The following CYFIP1 variants were observed in gnomAD, a reference collection of about 807,000 sequenced individuals.
CYFIP1 encodes the protein cytoplasmic FMR1-interacting protein 1.
Under a neutral mutation model 163.5 loss-of-function variants are expected in CYFIP1, and 58 were observed. That is an observed-to-expected ratio of 0.35 (90% CI 0.29 to 0.44). The LOEUF (loss-of-function observed/expected upper bound fraction) is 0.44, where lower values mean the gene tolerates loss of function less well. Among genes scored for constraint, CYFIP1 ranks in the 20% least tolerant of loss-of-function variants. The pLI is 1.00. For synonymous variants in CYFIP1, 663 were observed against 660.7 expected, an observed-to-expected ratio of 1.00 and a Z score of -0.05; for missense variants, 1,338 against 1,653.8, an observed-to-expected ratio of 0.81 and a Z score of 3.31.
intron 1 of CYFIP1, among the ~76,000 whole-genome samples, chr15:22,974,497 G>A (rs1334402994): frequency 1.3e-5 from 2 of 152,150 alleles, no homozygotes; most frequent in African/African-American, 4.8e-5. Flanking sequence ...GGAGGCCGAG[G>A]CAGATGAATC....
chr15:22,911,077 C>T (rs964340421), intron 18 of CYFIP1, among the ~76,000 whole-genome samples: 3 of 151,844 alleles, frequency 2.0e-5, no homozygotes, highest in Admixed American at 6.6e-5. Context: ...TGTGGTGGCA[C>T]GTGCCCGTGG....
At position 22,870,172 on chromosome 15, in the gene CYFIP1, C is replaced by CT; in HGVS notation, c.3617dup (p.Arg1207GlufsTer10). The CT allele has an allele frequency of 6.2e-7, 1 of 1,610,330 alleles. No individual in the cohort carries two copies. The highest frequency in any genetic ancestry group is 1.7e-4 in the Middle Eastern group (1 of 6,050). On this transcript the variant is annotated frameshift_variant, in exon 31 of 31. Transcript: ENST00000617928. LOFTEE classifies it high-confidence loss of function. ...TGAGAATCTGGAACTTGCGAATTCT[C>CT]TCCACCATCTTCTTCAAAGGCTACA...
chr15:22,884,388 A>AG (rs2059872759), intron 23 of CYFIP1, among the ~76,000 whole-genome samples: 1 of 152,214 alleles, frequency 6.6e-6, no homozygotes, highest in Non-Finnish European at 1.5e-5. Flanking sequence ...GCCAAAACAA[A>AG]GGGGCTCCAG....
chr15:22,913,604 T>G (rs549167357), intron 17 of CYFIP1, among the ~76,000 whole-genome samples: 1 of 55,082 alleles, frequency 1.8e-5, no homozygotes, highest in Admixed American at 2.2e-4. Context: ...ATAGACAGCA[T>G]TAAAAAAAAA....
At chr15:22,966,291 C>T (rs542551006) in intron 1 of CYFIP1, among the ~76,000 whole-genome samples, 1 of 151,202 alleles carries the variant, frequency 6.6e-6, no homozygotes, top group Non-Finnish European at 1.5e-5. Flanking sequence ...GAGAATCGCT[C>T]GAACCCGGGA....
chr15:22,932,787 A>C (rs2142229880), intron 10 of CYFIP1, among the ~76,000 whole-genome samples: 1 of 152,286 alleles, frequency 6.6e-6, no homozygotes, highest in South Asian at 2.1e-4. Flanking sequence ...TTTAGGATTT[A>C]GGGCCACATT....
rs570856828 is a variant in CYFIP1, at chr15:22,979,582, C to T, written c.-7+705G>A. On this transcript the variant is annotated intron_variant, in intron 1 of 30. Coordinates refer to ENST00000617928, the MANE Select transcript of CYFIP1 (RefSeq NM_014608.6). ...CAGACGCCCCTCTCAGCTTAAAACA[C>T]GTTCCATCAACCCCGTTTCCCGATT... Among the ~76,000 whole-genome samples the T allele has an allele frequency of 1.2e-4, 19 of 152,340 alleles. No homozygotes were observed. In the East Asian group the frequency reaches 3.7e-3, roughly 29 times the overall value.
intron 26 of CYFIP1, 104 bp downstream of exon 26, chr15:22,879,809 C>A (rs1338596069): frequency 1.2e-6 from 1 of 810,400 alleles, no homozygotes; most frequent in Non-Finnish European, 1.9e-6. Flanking sequence ...ACAGCTGTTG[C>A]CACACCCCCA....
intron 17 of CYFIP1, among the ~76,000 whole-genome samples, chr15:22,913,411 C>A (rs2060848362): frequency 6.7e-6 from 1 of 148,264 alleles, no homozygotes. Flanking sequence ...GCCTGTAGTC[C>A]CAGCTACTTG....
At chr15:22,883,137 A>G (rs2059816554) in intron 23 of CYFIP1, 126 bp from the exon 24 acceptor site, 1 of 1,108,882 alleles carries the variant, frequency 9.0e-7, no homozygotes, top group African/African-American at 1.6e-5. Flanking sequence ...TGACTTGTAA[A>G]ATCTACTGCC....
chr15:22,941,428 G>A (rs1170349545), intron 6 of CYFIP1, among the ~76,000 whole-genome samples: 3 of 152,048 alleles, frequency 2.0e-5, no homozygotes, highest in East Asian at 3.9e-4. Flanking sequence ...AAGGGTCAAG[G>A]ATACTGTTTT....
At position 22,926,053 on chromosome 15, in the gene CYFIP1, CG is replaced by C; in HGVS notation, c.1287del (p.Asp430ThrfsTer22). Reference sequence around the variant, plus strand: ...GCACGCTCGTACTCTTCAGCGCTGTCGGGGCAGTCCTTGTTGGAGTACTTGT... The same window carrying C: ...GCACGCTCGTACTCTTCAGCGCTGTCGGGCAGTCCTTGTTGGAGTACTTGT... ...PTDKYSNKDC[P>X]DSAEEYERAT... On this transcript the variant is annotated frameshift_variant, in exon 13 of 31. Coordinates refer to ENST00000617928, the MANE Select transcript of CYFIP1 (RefSeq NM_014608.6). LOFTEE classifies it high-confidence loss of function. 6.2e-7 allele frequency: 1 copy of C among 1,614,122 alleles called. No homozygotes were observed. Among genetic ancestry groups the C allele is most frequent in the East Asian group, 2.2e-5 (1 of 44,880 alleles).
In CYFIP1 at chr15:22,918,718, G is replaced by T. The variant is rs138720932; in HGVS notation, c.1500C>A (p.Ile500=). The T allele has an allele frequency of 3.3e-5, 53 of 1,607,692 alleles. No homozygotes were observed. The African/African-American group carries it at 6.3e-4, about 19-fold the overall frequency. Residue 500 remains isoleucine (I), a synonymous_variant, in exon 14 of 31, where the codon ATC becomes ATA. Transcript: ENST00000617928. ...VTLREPLRQA[I]KKKKNVIQSV... ...TCTGGATGACGTTCTTCTTCTTCTT[G>T]ATGGCCTGCCGCAGCGGCTCCCTAA...
At chr15:22,915,493 GT>G (rs2060942058) in intron 16 of CYFIP1, among the ~76,000 whole-genome samples, 1 of 151,614 alleles carries the variant, frequency 6.6e-6, no homozygotes, top group African/African-American at 2.4e-5. Flanking sequence ...GCTCACGCCT[GT>G]AATCCTAGCA....
intron 11 of CYFIP1, among the ~76,000 whole-genome samples, chr15:22,928,992 G>A (rs1421040827): frequency 6.6e-6 from 1 of 152,002 alleles, no homozygotes; most frequent in Admixed American, 6.6e-5. Flanking sequence ...GCCGGGGCAG[G>A]TGGATTGCCT....
chr15:22,909,614 CATG>C (rs1355367685), intron 20 of CYFIP1, among the ~76,000 whole-genome samples: 2 of 152,088 alleles, frequency 1.3e-5, no homozygotes, highest in African/African-American at 4.8e-5. Flanking sequence ...CAAAAATGTG[CATG>C]ATGATTATTC....
chr15:22,879,829 C>T, intron 26 of CYFIP1, 84 bp downstream of exon 26: 1 of 1,088,758 alleles, frequency 9.2e-7, no homozygotes, highest in Non-Finnish European at 1.3e-6. Context: ...ACTAAAGAAC[C>T]CGCCAAAGAA....
intron 22 of CYFIP1, among the ~76,000 whole-genome samples, chr15:22,894,287 T>TC (rs1566937653): frequency 7.1e-6 from 1 of 140,990 alleles, no homozygotes; most frequent in Admixed American, 7.1e-5. Flanking sequence ...TCTTTTTTTT[T>TC]TTTTTTTTTT....
chr15:22,896,989 C>A lies in CYFIP1; in HGVS notation c.2589-4012G>T, dbSNP rs553621289. Among the ~76,000 whole-genome samples, 9 of 152,178 alleles carry A rather than the reference C, an allele frequency of 5.9e-5. No individual in the cohort carries two copies. The South Asian group carries it at 1.9e-3, about 32-fold the overall frequency. Reference sequence around the variant, plus strand: ...TGGGAGGCCGAGGCAGGTGGATCACCTGAACCTGAGGTCAGGAGTTTGAGA... The same window carrying A: ...TGGGAGGCCGAGGCAGGTGGATCACATGAACCTGAGGTCAGGAGTTTGAGA... On this transcript the variant is annotated intron_variant, in intron 22 of 30. Coordinates refer to ENST00000617928, the MANE Select transcript of CYFIP1 (RefSeq NM_014608.6).
Sources: gnomAD v4.1 joint callset for allele counts (sites outside exome capture counted in the v4.1 genomes callset) on GRCh38, gnomAD v4.1.1 for gene constraint, MANE v1.5 for transcripts, NCBI Gene and HGNC (gene_info 2026-07-23, HGNC 2026-07-21) for gene names.